CTNNA3: variants seen among roughly 807,000 people sequenced by gnomAD.
CTNNA3 encodes the protein catenin alpha-3.
In CTNNA3, 76 loss-of-function variants were observed where a neutral mutation model predicts 95.7. That is an observed-to-expected ratio of 0.79 (90% CI 0.66 to 0.96). The LOEUF (loss-of-function observed/expected upper bound fraction) is 0.96, where lower values mean the gene tolerates loss of function less well. CTNNA3 is among the 40% of genes least tolerant of loss of function. The probability of loss-of-function intolerance (pLI) is 0.00; values close to 1 mark genes in which losing one functional copy is unlikely to be tolerated. For missense variants in CTNNA3, 1,191 were observed against 1,089.8 expected, an observed-to-expected ratio of 1.09 and a Z score of -1.31; for synonymous variants, 431 against 374.4, an observed-to-expected ratio of 1.15 and a Z score of -1.74.
chr10:66,210,072 C>T (rs187910124), intron 13 of CTNNA3, among the ~76,000 whole-genome samples: 26 of 151,860 alleles, frequency 1.7e-4, no homozygotes, highest in Non-Finnish European at 3.4e-4. Flanking sequence ...GAAAATGCAT[C>T]GAACACACAT....
chr10:66,220,270 G>A (rs1039709105), intron 13 of CTNNA3, among the ~76,000 whole-genome samples: 18 of 152,170 alleles, frequency 1.2e-4, no homozygotes, highest in Non-Finnish European at 2.9e-5. Context: ...TTTCAGAAAG[G>A]CATAAGTGAA....
intron 11 of CTNNA3, among the ~76,000 whole-genome samples, chr10:66,429,427 A>G (rs1438769761): frequency 7.9e-6 from 1 of 127,060 alleles, no homozygotes; most frequent in Non-Finnish European, 1.6e-5. Flanking sequence ...TCCTGATACC[A>G]AAGCTGGCAG....
chr10:67,495,780 G>A (rs1057105001), intron 5 of CTNNA3, among the ~76,000 whole-genome samples: 1 of 152,162 alleles, frequency 6.6e-6, no homozygotes, highest in Non-Finnish European at 1.5e-5. Context: ...CCCAATAGGG[G>A]AGAAAATTGA....
intron 10 of CTNNA3, among the ~76,000 whole-genome samples, chr10:66,547,788 T>C (rs1842085218): frequency 6.6e-6 from 1 of 152,214 alleles, no homozygotes; most frequent in Non-Finnish European, 1.5e-5. Flanking sequence ...TCCATAAACA[T>C]GACCATAGTT....
intron 12 of CTNNA3, among the ~76,000 whole-genome samples, chr10:66,366,376 T>C (rs931399539): frequency 1.3e-5 from 2 of 152,220 alleles, no homozygotes; most frequent in African/African-American, 4.8e-5. Flanking sequence ...CAATTCTGAC[T>C]GCACAAATTC....
intron 3 of CTNNA3, among the ~76,000 whole-genome samples, chr10:67,579,460 A>G (rs1438825606): frequency 1.3e-5 from 2 of 151,890 alleles, no homozygotes; most frequent in Non-Finnish European, 2.9e-5. Flanking sequence ...TCATTGTTGG[A>G]CATTTGGGTT....
chr10:67,262,966 T>C (rs952013811), intron 5 of CTNNA3, among the ~76,000 whole-genome samples: 2 of 152,088 alleles, frequency 1.3e-5, no homozygotes, highest in Non-Finnish European at 1.5e-5. Flanking sequence ...AAGGAAGAAC[T>C]GTATAAGTTC....
intron 5 of CTNNA3, among the ~76,000 whole-genome samples, chr10:67,360,414 A>G (rs2132668249): frequency 6.8e-6 from 1 of 147,172 alleles, no homozygotes; most frequent in South Asian, 2.3e-4. Context: ...GAGAGCAAGC[A>G]GGAAAAAAAA....
Position 66,625,976 on chromosome 10 carries a change from A to C in CTNNA3, c.1282-4192T>G, listed in dbSNP as rs114760953. Among the ~76,000 whole-genome samples the C allele has an allele frequency of 2.5e-3, 383 of 152,200 alleles. 2 individuals are homozygous for C. Among genetic ancestry groups the C allele is most frequent in the African/African-American group, 9.0e-3 (372 of 41,520 alleles). The stretch of plus-strand genomic sequence containing the variant: ...ACGGCAATGAAACAGATATTTTGAG[A>C]TGGAAAATTTTTTCAATGACCCTTT... On this transcript the variant is annotated intron_variant, in intron 9 of 17. Transcript: ENST00000433211.
chr10:66,293,378 T>C (rs1434176323), intron 12 of CTNNA3, among the ~76,000 whole-genome samples: 1 of 151,982 alleles, frequency 6.6e-6, no homozygotes, highest in African/African-American at 2.4e-5. Context: ...TTCAGAGACA[T>C]TAAAATGAGA....
At chr10:67,089,647 G>A (rs996478595) in intron 7 of CTNNA3, among the ~76,000 whole-genome samples, 3 of 151,018 alleles carry the variant, frequency 2.0e-5, no homozygotes, top group Non-Finnish European at 4.4e-5. Flanking sequence ...ACCTCATTTG[G>A]CACACATAAA....
chr10:66,195,069 T>G (rs2086882307), intron 13 of CTNNA3, among the ~76,000 whole-genome samples: 1 of 152,182 alleles, frequency 6.6e-6, no homozygotes, highest in South Asian at 2.1e-4. Flanking sequence ...GGCATATACA[T>G]GTTTAGTTTA....
At chr10:66,055,546 G>GT (rs986265999) in intron 15 of CTNNA3, among the ~76,000 whole-genome samples, 3 of 151,806 alleles carry the variant, frequency 2.0e-5, no homozygotes, top group Non-Finnish European at 4.4e-5. Flanking sequence ...AATGCTACTG[G>GT]TTTTTATACA....
At chr10:66,044,139 T>C (rs2079768671) in intron 15 of CTNNA3, among the ~76,000 whole-genome samples, 1 of 152,034 alleles carries the variant, frequency 6.6e-6, no homozygotes, top group Non-Finnish European at 1.5e-5. Flanking sequence ...GGACTATAGG[T>C]GCATGCCACC....
intron 11 of CTNNA3, among the ~76,000 whole-genome samples, chr10:66,424,084 C>G (rs2093219311): frequency 6.6e-6 from 1 of 151,792 alleles, no homozygotes; most frequent in Non-Finnish European, 1.5e-5. Context: ...TCTAAATTTT[C>G]CAGTTTATTG....
intron 7 of CTNNA3, among the ~76,000 whole-genome samples, chr10:66,940,313 G>C (rs1235782912): frequency 6.6e-6 from 1 of 151,966 alleles, no homozygotes; most frequent in East Asian, 1.9e-4. Flanking sequence ...TGGAAACATA[G>C]CAAGGCCTCA....
intron 1 of CTNNA3, among the ~76,000 whole-genome samples, chr10:67,739,139 G>A (rs1236746002): frequency 6.6e-6 from 1 of 152,194 alleles, no homozygotes. Flanking sequence ...ACACATAATT[G>A]TCAGATTCAC....
At chr10:66,902,160 A>G (rs1044708757) in intron 7 of CTNNA3, among the ~76,000 whole-genome samples, 1 of 152,232 alleles carries the variant, frequency 6.6e-6, no homozygotes, top group African/African-American at 2.4e-5. Flanking sequence ...ATGTAAAAGA[A>G]CAGAAATCAC....
intron 5 of CTNNA3, among the ~76,000 whole-genome samples, chr10:67,349,920 G>A (rs1443160199): frequency 1.3e-5 from 2 of 152,142 alleles, no homozygotes; most frequent in South Asian, 2.1e-4. Flanking sequence ...CCCTACACAG[G>A]AGGATTAAGG....
Sources: allele counts gnomAD v4.1 joint callset (sites outside exome capture counted in the v4.1 genomes callset), GRCh38; gene constraint gnomAD v4.1.1; transcripts MANE v1.5; gene names NCBI Gene and HGNC (gene_info 2026-07-23, HGNC 2026-07-21).